Variants in THADA observed in about 807,000 individuals in gnomAD.
THADA encodes the protein tRNA (32-2'-O)-methyltransferase regulator THADA.
In THADA, 213 loss-of-function variants were observed where a neutral mutation model predicts 219.8. The ratio of observed to expected loss-of-function variants is 0.97; its 90% CI spans 0.87 to 1.09. The LOEUF (loss-of-function observed/expected upper bound fraction) is 1.09, where lower values mean the gene tolerates loss of function less well. Among genes scored for constraint, THADA ranks in the 50% least tolerant of loss-of-function variants. THADA has a pLI of 0.00. For synonymous variants in THADA, 1,018 were observed against 828.9 expected (o/e 1.23, Z -3.92); for missense variants, 2,956 against 2,311.3 (o/e 1.28, Z -5.72).
chr2:43,437,012 G>A (rs767912787), intron 26 of THADA, among the ~76,000 whole-genome samples: 3 of 152,176 alleles, frequency 2.0e-5, no homozygotes, highest in Non-Finnish European at 4.4e-5. Context: ...ATGGGGTTAT[G>A]CTTGGTTATT....
chr2:43,533,318 G>T (rs113111663), intron 21 of THADA, among the ~76,000 whole-genome samples: 1,546 of 152,298 alleles, frequency 0.01, 28 homozygotes, highest in African/African-American at 0.035. Context: ...AACAGTTGTG[G>T]AAGACAGTGT....
At chr2:43,530,238 CTTGAT>C (rs1693695149) in intron 21 of THADA, among the ~76,000 whole-genome samples, 1 of 152,142 alleles carries the variant, frequency 6.6e-6, no homozygotes, top group Non-Finnish European at 1.5e-5. Flanking sequence ...TGATGATACT[CTTGAT>C]TTTAGTATCT....
At chr2:43,555,858 T>C (rs1055822453) in intron 17 of THADA, among the ~76,000 whole-genome samples, 1 of 152,330 alleles carries the variant, frequency 6.6e-6, no homozygotes, top group Non-Finnish European at 1.5e-5. Flanking sequence ...ATTAAGTACA[T>C]GAATCCCCAA....
At chr2:43,589,561 A>T (rs1238651827) in intron 4 of THADA, among the ~76,000 whole-genome samples, 3 of 152,192 alleles carry the variant, frequency 2.0e-5, no homozygotes, top group Non-Finnish European at 4.4e-5. Context: ...AACAATAGCG[A>T]ACTATGTACA....
intron 23 of THADA, among the ~76,000 whole-genome samples, chr2:43,507,683 G>A (rs759106115): frequency 1.3e-5 from 2 of 152,078 alleles, no homozygotes; most frequent in Non-Finnish European, 2.9e-5. Flanking sequence ...AAAAATCAGA[G>A]ACTTCATTCC....
At chr2:43,589,136 G>C (rs1455002244) in intron 4 of THADA, among the ~76,000 whole-genome samples, 2 of 152,046 alleles carry the variant, frequency 1.3e-5, no homozygotes, top group African/African-American at 2.4e-5. Context: ...TATATCCAAA[G>C]AACTGAAAGC....
chr2:43,285,677 A>G (rs983652401), intron 35 of THADA, among the ~76,000 whole-genome samples: 2 of 151,146 alleles, frequency 1.3e-5, no homozygotes, highest in Admixed American at 1.3e-4. Flanking sequence ...AATTCTCCTG[A>G]ATAGCTGGGA....
At chr2:43,423,303 T>C (rs1677962874) in intron 28 of THADA, among the ~76,000 whole-genome samples, 1 of 152,204 alleles carries the variant, frequency 6.6e-6, no homozygotes, top group African/African-American at 2.4e-5. Flanking sequence ...TGCTATAAAG[T>C]TGCAAGAGAT....
At chr2:43,457,616 TTAA>T (rs1404068163) in intron 26 of THADA, among the ~76,000 whole-genome samples, 2 of 152,206 alleles carry the variant, frequency 1.3e-5, no homozygotes, top group East Asian at 3.8e-4. Context: ...CATCTTATTT[TTAA>T]TTAATTCCAT....
intron 22 of THADA, among the ~76,000 whole-genome samples, chr2:43,517,800 A>G (rs1691916343): frequency 6.6e-6 from 1 of 152,176 alleles, no homozygotes; most frequent in African/African-American, 2.4e-5. Flanking sequence ...GGAGACTCTC[A>G]GAAAACACAA....
At chr2:43,392,204 A>G (rs1673471145) in intron 29 of THADA, among the ~76,000 whole-genome samples, 1 of 152,240 alleles carries the variant, frequency 6.6e-6, no homozygotes, top group Non-Finnish European at 1.5e-5. Flanking sequence ...AATATAAATG[A>G]CATTAAAATT....
chr2:43,586,099 CA>C (rs1159293476), intron 7 of THADA, among the ~76,000 whole-genome samples: 1 of 151,360 alleles, frequency 6.6e-6, no homozygotes, highest in Non-Finnish European at 1.5e-5. Flanking sequence ...ACTCTGTCTC[CA>C]AAAAAATAAA....
At chr2:43,552,157 G>A in intron 18 of THADA, 47 bp downstream of exon 18, 1 of 1,578,498 alleles carries the variant, frequency 6.3e-7, no homozygotes, top group Non-Finnish European at 8.6e-7. Flanking sequence ...TTAAAGCTCA[G>A]AAATGAATGG....
At chr2:43,504,178 TA>T (rs764988402) in intron 24 of THADA, among the ~76,000 whole-genome samples, 40 of 152,216 alleles carry the variant, frequency 2.6e-4, no homozygotes, top group South Asian at 4.1e-4. Flanking sequence ...TAGAACCAAT[TA>T]CATTTTTTTC....
At chr2:43,567,241 TATTA>T (rs994464349) in intron 14 of THADA, among the ~76,000 whole-genome samples, 3 of 152,198 alleles carry the variant, frequency 2.0e-5, no homozygotes, top group African/African-American at 7.2e-5. Flanking sequence ...TTTATTAGGT[TATTA>T]ATTCTATTCG....
chr2:43,238,114 A>T (rs1228677442), intron 36 of THADA, among the ~76,000 whole-genome samples: 5 of 114,114 alleles, frequency 4.4e-5, no homozygotes. Context: ...GCAAGATTCC[A>T]TCTCAAAAAA....
rs538996617 is a variant in THADA at position 43,396,159 on chromosome 2, G to A, written c.4227+1812C>T. 2.1e-3 allele frequency among the ~76,000 whole-genome samples: 316 copies of A among 152,288 alleles called. 1 individual carries two copies. The highest frequency in any genetic ancestry group is 7.2e-3 in the African/African-American group (298 of 41,564). Reference sequence around the variant, plus strand: ...AGGTCCTGAGACAAATTTGAAAACTGCCAACCTAGAACTTCAGTCCCACCC... The same window carrying A: ...AGGTCCTGAGACAAATTTGAAAACTACCAACCTAGAACTTCAGTCCCACCC... On this transcript the variant is annotated intron_variant, in intron 29 of 37. Transcript: ENST00000405975.
intron 17 of THADA, 116 bp from the exon 18 acceptor site, chr2:43,552,455 T>C: frequency 1.8e-6 from 2 of 1,113,594 alleles, no homozygotes; most frequent in Non-Finnish European, 2.5e-6. Context: ...TACACTAGAG[T>C]TTTTTAATCA....
At chr2:43,295,183 G>A (rs1299726469) in intron 31 of THADA, among the ~76,000 whole-genome samples, 1 of 152,226 alleles carries the variant, frequency 6.6e-6, no homozygotes, top group Non-Finnish European at 1.5e-5. Context: ...CTGCATTCCA[G>A]CCTGGGCGAC....
Sources: gnomAD v4.1 joint callset for allele counts (sites outside exome capture counted in the v4.1 genomes callset) on GRCh38, gnomAD v4.1.1 for gene constraint, MANE v1.5 for transcripts, NCBI Gene and HGNC (gene_info 2026-07-23, HGNC 2026-07-21) for gene names.